Variants in RAB3IP observed in about 807,000 individuals in gnomAD.
RAB3IP encodes the protein rab-3A-interacting protein.
RAB3IP carries 36 observed loss-of-function variants against 59.1 expected under a neutral mutation model. That is an observed-to-expected ratio of 0.61 (90% CI 0.47 to 0.80). RAB3IP has a LOEUF of 0.80. Ranked by LOEUF, RAB3IP falls within the 30% of genes least tolerant of loss-of-function variation. The probability of loss-of-function intolerance (pLI) is 0.00; values close to 1 mark genes in which losing one functional copy is unlikely to be tolerated. For missense variants in RAB3IP, 511 were observed against 536.0 expected, an observed-to-expected ratio of 0.95 and a Z score of 0.46; for synonymous variants, 207 against 191.2, an observed-to-expected ratio of 1.08 and a Z score of -0.68.
intron 10 of RAB3IP, among the ~76,000 whole-genome samples, chr12:69,813,359 C>T (rs1405492874): frequency 6.6e-6 from 1 of 152,128 alleles, no homozygotes; most frequent in Non-Finnish European, 1.5e-5. Flanking sequence ...ATTGAATTGA[C>T]TCTTTAAGAG....
chr12:69,764,656 C>T (rs1565885960), intron 3 of RAB3IP, among the ~76,000 whole-genome samples: 1 of 143,750 alleles, frequency 7.0e-6, no homozygotes, highest in Non-Finnish European at 1.5e-5. Flanking sequence ...TTTTTAAATA[C>T]TTTTTTTTTT....
At chr12:69,754,409 T>C (rs1319402347) in intron 1 of RAB3IP, among the ~76,000 whole-genome samples, 2 of 152,000 alleles carry the variant, frequency 1.3e-5, no homozygotes, top group Non-Finnish European at 2.9e-5. Context: ...GTGGGCATCA[T>C]GTCTGAAACA....
At chr12:69,744,197 C>T (rs976573687) in intron 1 of RAB3IP, among the ~76,000 whole-genome samples, 2 of 151,998 alleles carry the variant, frequency 1.3e-5, no homozygotes, top group East Asian at 3.8e-4. Context: ...CGTGTGTTCT[C>T]ATTGTTCATC....
chr12:69,754,476 G>A (rs1869870339), intron 1 of RAB3IP, among the ~76,000 whole-genome samples: 1 of 152,158 alleles, frequency 6.6e-6, no homozygotes, highest in East Asian at 1.9e-4. Flanking sequence ...AGGTATGAGA[G>A]AGTATGTGTG....
At chr12:69,757,918 C>T (rs1364977978) in intron 3 of RAB3IP, among the ~76,000 whole-genome samples, 1 of 152,198 alleles carries the variant, frequency 6.6e-6, no homozygotes, top group African/African-American at 2.4e-5. Context: ...AATTTCTTAG[C>T]TCACTTGAGA....
At chr12:69,794,328 A>T (rs1877106808) in intron 4 of RAB3IP, 109 bp from the exon 5 acceptor site, 1 of 800,450 alleles carries the variant, frequency 1.2e-6, no homozygotes, top group Non-Finnish European at 2.1e-6. Context: ...ACTTAACTTC[A>T]GGCTAACTTT....
chr12:69,757,767 A>G (rs1870465120), intron 3 of RAB3IP, among the ~76,000 whole-genome samples: 1 of 152,118 alleles, frequency 6.6e-6, no homozygotes, highest in Admixed American at 6.5e-5. Context: ...ATGTGGTTGC[A>G]TTTTGTTTCT....
intron 3 of RAB3IP, among the ~76,000 whole-genome samples, chr12:69,766,539 T>TA (rs397803297): frequency 4.0e-5 from 6 of 151,552 alleles, no homozygotes; most frequent in Non-Finnish European, 7.4e-5. Context: ...TTTTTTTTTT[T>TA]AAGACAGTTT....
chr12:69,780,760 A>G (rs1874557153), intron 3 of RAB3IP, among the ~76,000 whole-genome samples: 1 of 152,012 alleles, frequency 6.6e-6, no homozygotes, highest in Admixed American at 6.5e-5. Context: ...GTCAGTGGGC[A>G]GATGAAGCTT....
chr12:69,752,662 C>T (rs74101320), intron 1 of RAB3IP, among the ~76,000 whole-genome samples: 3,223 of 152,154 alleles, frequency 0.021, 116 homozygotes, highest in African/African-American at 0.073. Context: ...TCCAGAAATG[C>T]AAATGCTTTT....
intron 3 of RAB3IP, among the ~76,000 whole-genome samples, chr12:69,759,028 C>T (rs1333973958): frequency 9.3e-5 from 14 of 149,962 alleles, no homozygotes; most frequent in African/African-American, 2.2e-4. Flanking sequence ...GGGTGTTTCT[C>T]GCAGAGGGGG....
At chr12:69,766,175 A>AT (rs1288350761) in intron 3 of RAB3IP, among the ~76,000 whole-genome samples, 24 of 152,140 alleles carry the variant, frequency 1.6e-4, no homozygotes, top group Middle Eastern at 3.4e-3. Context: ...AGTTCTCTAG[A>AT]TTTTTTGTAT....
chr12:69,742,737 A>G (rs139378111), intron 1 of RAB3IP, among the ~76,000 whole-genome samples: 1 of 152,222 alleles, frequency 6.6e-6, no homozygotes, highest in African/African-American at 2.4e-5. Context: ...GAAGAGGAAG[A>G]TATTTATACA....
rs530634154 is a variant in RAB3IP at position 69,823,160 on chromosome 12, A to G, written c.*7714A>G. On this transcript the variant is annotated 3_prime_UTR_variant, in exon 11 of 11. Coordinates refer to ENST00000247833, the MANE Select transcript of RAB3IP (RefSeq NM_022456.5). Reference sequence around the variant, plus strand: ...TACCCCATGAATATGGGCAATTATTATTTGTTAATTAAAAAAATAAAAAAA... The same window carrying G: ...TACCCCATGAATATGGGCAATTATTGTTTGTTAATTAAAAAAATAAAAAAA... 3.9e-5 allele frequency: 6 copies of G among 152,234 alleles called. No individual in the cohort carries two copies. The highest frequency in any genetic ancestry group is 1.2e-4 in the African/African-American group (5 of 41,560). 9.4% of individuals were successfully genotyped at this position (152,234 alleles called of 1,614,324 possible).
intron 7 of RAB3IP, among the ~76,000 whole-genome samples, chr12:69,801,388 T>C (rs1287251488): frequency 6.6e-6 from 1 of 152,196 alleles, no homozygotes; most frequent in Non-Finnish European, 1.5e-5. Context: ...GTCCAGATAA[T>C]GAGGAAAGTT....
rs976163796 is a variant in RAB3IP at position 69,738,917 on chromosome 12, G to C, written c.-140G>C. Reference sequence around the variant, plus strand: ...CCGGCGTAGTGAGCCCGCCGCCGTGGAGTGTAGCGGAAAGGGCTCGCCGTC... The same window carrying C: ...CCGGCGTAGTGAGCCCGCCGCCGTGCAGTGTAGCGGAAAGGGCTCGCCGTC... On this transcript the variant is annotated 5_prime_UTR_variant, in exon 1 of 11. Coordinates refer to ENST00000247833, the MANE Select transcript of RAB3IP (RefSeq NM_022456.5). 7.2e-5 allele frequency: 11 copies of C among 152,074 alleles called. No homozygotes were observed. The highest frequency in any genetic ancestry group is 1.5e-4 in the Non-Finnish European group (10 of 67,998). 9.4% of individuals were successfully genotyped at this position (152,074 alleles called of 1,614,324 possible). A position where few individuals can be genotyped will look rare whatever the true frequency, so the allele number is the denominator to read the frequency against.
chr12:69,792,570 T>C (rs1287912105), intron 4 of RAB3IP, among the ~76,000 whole-genome samples: 2 of 152,212 alleles, frequency 1.3e-5, no homozygotes, highest in Non-Finnish European at 2.9e-5. Flanking sequence ...GGCAGTGTGA[T>C]GGAAAATTTT....
At position 69,755,608 on chromosome 12, in the gene RAB3IP, C is replaced by A; in HGVS notation, c.200C>A (p.Pro67His). ...GATGTTTCTGAACTTCCTACACAAC[C>A]CGTGTATTCATCCCCCAGACGTTTA... ...ALDVSELPTQ[P>H]VYSSPRRLNC... The change falls in exon 2 of 11, where the codon CCC becomes CAC. Residue 67 changes from proline (P) to histidine (H), a missense_variant. Transcript: ENST00000247833. The A allele has an allele frequency of 1.9e-6, 3 of 1,613,714 alleles. No homozygotes were observed. The highest frequency in any genetic ancestry group is 2.5e-6 in the Non-Finnish European group (3 of 1,179,736).
chr12:69,807,535 G>A (rs1309807902), intron 8 of RAB3IP, among the ~76,000 whole-genome samples: 1 of 147,520 alleles, frequency 6.8e-6, no homozygotes, highest in African/African-American at 2.5e-5. Flanking sequence ...CTCCCAGACA[G>A]GGTGGCTGGG....
Sources: gnomAD v4.1 joint callset for allele counts (sites outside exome capture counted in the v4.1 genomes callset) on GRCh38, gnomAD v4.1.1 for gene constraint, MANE v1.5 for transcripts, NCBI Gene and HGNC (gene_info 2026-07-23, HGNC 2026-07-21) for gene names.